The following DENND5A variants were observed in gnomAD, a reference collection of about 807,000 sequenced individuals.
DENND5A encodes the protein DENN domain containing 5A, also known as DENN domain-containing protein 5A.
DENND5A carries 64 observed loss-of-function variants against 140.3 expected under a neutral mutation model. That is an observed-to-expected ratio of 0.46 (90% confidence interval 0.37 to 0.56). DENND5A has a LOEUF of 0.56. DENND5A is among the 20% of genes least tolerant of loss of function. The probability of loss-of-function intolerance (pLI) is 0.00; values close to 1 mark genes in which losing one functional copy is unlikely to be tolerated. For missense variants in DENND5A, 1,292 were observed against 1,593.8 expected (o/e 0.81, Z 3.22); for synonymous variants, 605 against 607.7 (o/e 1.00, Z 0.07).
chr11:9,178,344 G>A lies in DENND5A; in HGVS notation c.1694C>T (p.Pro565Leu). The A allele has an allele frequency of 6.2e-7, 1 of 1,613,500 alleles. No individual in the cohort carries two copies. The highest frequency in any genetic ancestry group is 8.5e-7 in the Non-Finnish European group (1 of 1,179,588). The change falls in exon 8 of 23, where the codon CCT becomes CTT. Residue 565 changes from proline to leucine, a missense_variant. By Grantham distance (98) the Pro-to-Leu change is moderately conservative. This residue lies in a region of DENND5A where 29 missense variants were observed against 64.7 expected (regional missense o/e 0.45). Coordinates refer to ENST00000328194, the MANE Select transcript of DENND5A (RefSeq NM_015213.4). ...FDKASFLSDQ[P>L]EPYLPFLSRF... ...TGAGAGGAAGGGCAGGTAGGGCTCAGGCTGATCTGACAGAAAAGATGCCTG... is the reference window on the plus strand; with the variant it reads ...TGAGAGGAAGGGCAGGTAGGGCTCAAGCTGATCTGACAGAAAAGATGCCTG...
At chr11:9,145,228 G>C (rs917682673) in intron 17 of DENND5A, 115 bp from the exon 18 acceptor site, 2 of 767,436 alleles carry the variant, frequency 2.6e-6, no homozygotes, top group Admixed American at 1.9e-5. Flanking sequence ...GCATCTGCAG[G>C]CTTAGAGGTC....
At chr11:9,240,196 C>A (rs1410463874) in intron 1 of DENND5A, among the ~76,000 whole-genome samples, 2 of 152,072 alleles carry the variant, frequency 1.3e-5, no homozygotes, top group Non-Finnish European at 2.9e-5. Context: ...GAGTTTGAGA[C>A]CAGCCTGGCC....
intron 8 of DENND5A, among the ~76,000 whole-genome samples, chr11:9,173,996 G>A (rs954687440): frequency 1.3e-5 from 2 of 150,704 alleles, no homozygotes; most frequent in African/African-American, 2.4e-5. Context: ...CCAGCTACTC[G>A]GGAGGCTGAG....
chr11:9,211,441 T>TA (rs932661954), intron 1 of DENND5A, among the ~76,000 whole-genome samples: 31 of 151,802 alleles, frequency 2.0e-4, no homozygotes, highest in Non-Finnish European at 3.7e-4. Flanking sequence ...AATAATAAAA[T>TA]AAAAAAAGAA....
intron 20 of DENND5A, chr11:9,143,102 T>C (rs1847301011): frequency 1.7e-6 from 1 of 591,384 alleles, no homozygotes; most frequent in African/African-American, 1.9e-5. Context: ...ACAAAGCCAG[T>C]GTGGCCACTA....
Position 9,245,090 on chromosome 11 carries a change from T to C in DENND5A, c.109+19871A>G, listed in dbSNP as rs560083468. On this transcript the variant is annotated intron_variant, in intron 1 of 22. Coordinates refer to ENST00000328194, the MANE Select transcript of DENND5A (RefSeq NM_015213.4). The stretch of plus-strand genomic sequence containing the variant: ...ACGAGGTCAGGAGACCAATACCATC[T>C]TGGCCAACATGCTGAAACCCCGTTT... 7.1e-4 allele frequency among the ~76,000 whole-genome samples: 108 copies of C among 151,356 alleles called. 1 individual carries two copies. In the South Asian group the frequency reaches 0.012, roughly 16 times the overall value.
chr11:9,257,373 G>A (rs1474430456), intron 1 of DENND5A, among the ~76,000 whole-genome samples: 1 of 148,132 alleles, frequency 6.8e-6, no homozygotes, highest in Non-Finnish European at 1.5e-5. Context: ...CGAGGCTGCA[G>A]TGAGTCATGA....
intron 1 of DENND5A, among the ~76,000 whole-genome samples, chr11:9,256,025 CAAA>C (rs1164502361): frequency 1.2e-5 from 1 of 86,764 alleles, no homozygotes. Context: ...AACTCCATCT[CAAA>C]AAAAAAAAAA....
At chr11:9,241,572 A>G (rs968613013) in intron 1 of DENND5A, among the ~76,000 whole-genome samples, 4 of 152,188 alleles carry the variant, frequency 2.6e-5, no homozygotes, top group African/African-American at 9.7e-5. Context: ...TACATCAAGT[A>G]TACTCCTAGC....
intron 1 of DENND5A, among the ~76,000 whole-genome samples, chr11:9,259,406 G>A (rs1359545991): frequency 6.7e-6 from 1 of 149,608 alleles, no homozygotes; most frequent in Non-Finnish European, 1.5e-5. Flanking sequence ...AAAAAAAAAA[G>A]TACAAAAAAA....
At chr11:9,149,312 G>A (rs1416769334) in intron 15 of DENND5A, among the ~76,000 whole-genome samples, 2 of 152,196 alleles carry the variant, frequency 1.3e-5, no homozygotes, top group Admixed American at 6.5e-5. Flanking sequence ...TCCTGTCTGT[G>A]CAGCTAAGCA....
chr11:9,164,194 A>ATTTTTTTTTTTTTTTT (rs779522112), intron 11 of DENND5A, among the ~76,000 whole-genome samples: 2 of 79,062 alleles, frequency 2.5e-5, no homozygotes, highest in African/African-American at 9.7e-5. Flanking sequence ...ACCACGCCTA[A>ATTTTTTTTTTTTTTTT]TTTTTTTTTT....
At chr11:9,166,236 G>A (rs1360533279) in intron 10 of DENND5A, among the ~76,000 whole-genome samples, 2 of 151,714 alleles carry the variant, frequency 1.3e-5, no homozygotes, top group Admixed American at 6.6e-5. Context: ...GTGCCACCAC[G>A]CCCGGCTAAT....
chr11:9,248,988 A>C (rs60542289), intron 1 of DENND5A, among the ~76,000 whole-genome samples: 7,062 of 152,214 alleles, frequency 0.046, 526 homozygotes, highest in African/African-American at 0.16. Context: ...CTGTAATCCC[A>C]GCACTTAGGT....
chr11:9,163,614 G>A (rs1848066882), intron 11 of DENND5A, among the ~76,000 whole-genome samples: 1 of 151,958 alleles, frequency 6.6e-6, no homozygotes, highest in Non-Finnish European at 1.5e-5. Flanking sequence ...TACCAGCCTG[G>A]TCAATATGAT....
intron 1 of DENND5A, among the ~76,000 whole-genome samples, chr11:9,244,704 C>G (rs1851390424): frequency 6.6e-6 from 1 of 151,972 alleles, no homozygotes; most frequent in Admixed American, 6.6e-5. Context: ...GAGATAAGGT[C>G]TGGCTCTGTC....
intron 1 of DENND5A, among the ~76,000 whole-genome samples, chr11:9,254,078 C>G (rs1266210008): frequency 6.6e-6 from 1 of 150,878 alleles, no homozygotes; most frequent in Non-Finnish European, 1.5e-5. Context: ...ATCGCTTGAA[C>G]CCGGGAGGCA....
At chr11:9,213,225 C>T (rs1245239152) in intron 1 of DENND5A, among the ~76,000 whole-genome samples, 1 of 151,726 alleles carries the variant, frequency 6.6e-6, no homozygotes, top group African/African-American at 2.4e-5. Flanking sequence ...AGGCTGGTCT[C>T]GAACTCTTGA....
chr11:9,261,268 A>C (rs1195956906), intron 1 of DENND5A, among the ~76,000 whole-genome samples: 2 of 152,206 alleles, frequency 1.3e-5, no homozygotes, highest in African/African-American at 4.8e-5. Context: ...AAGAATGTAG[A>C]TGCTACCTGA....
Sources: allele counts gnomAD v4.1 joint callset (sites outside exome capture counted in the v4.1 genomes callset), GRCh38; gene constraint gnomAD v4.1.1; regional missense constraint gnomAD v4.1.1; transcripts MANE v1.5; gene names NCBI Gene and HGNC (gene_info 2026-07-23, HGNC 2026-07-21).